FTO: variants seen among roughly 807,000 people sequenced by gnomAD.
The protein encoded by FTO is alpha-ketoglutarate-dependent dioxygenase FTO.
A neutral mutation model predicts 63.9 loss-of-function variants in FTO; 47 were observed. The observed-to-expected ratio is 0.74, with a 90% CI of 0.58 to 0.94. The LOEUF (loss-of-function observed/expected upper bound fraction) is 0.94. Among genes scored for constraint, FTO ranks in the 40% least tolerant of loss-of-function variants. The probability of loss-of-function intolerance (pLI) is 0.00; values close to 1 mark genes in which losing one functional copy is unlikely to be tolerated. For synonymous variants in FTO, 207 were observed against 224.4 expected (o/e 0.92, Z 0.69); for missense variants, 562 against 618.1 (o/e 0.91, Z 0.96).
At chr16:53,846,708 A>C (rs926088247) in intron 4 of FTO, among the ~76,000 whole-genome samples, 1 of 151,524 alleles carries the variant, frequency 6.6e-6, no homozygotes, top group Non-Finnish European at 1.5e-5. Context: ...AGGCTGAGGC[A>C]TGAGAATTGC....
intron 8 of FTO, among the ~76,000 whole-genome samples, chr16:53,941,683 C>T (rs1032821116): frequency 3.9e-5 from 6 of 152,118 alleles, no homozygotes; most frequent in African/African-American, 1.4e-4. Flanking sequence ...CCCATCTCTG[C>T]AAAAAGTGCA....
chr16:53,809,895 C>T (rs1346635488), intron 1 of FTO, among the ~76,000 whole-genome samples: 1 of 151,724 alleles, frequency 6.6e-6, no homozygotes, highest in Non-Finnish European at 1.5e-5. Context: ...GAGTTGTGAT[C>T]ACACCACTGT....
chr16:53,808,076 G>A (rs934828443), intron 1 of FTO, among the ~76,000 whole-genome samples: 3 of 151,928 alleles, frequency 2.0e-5, no homozygotes, highest in Non-Finnish European at 4.4e-5. Context: ...AGGCCAAGGC[G>A]GGCAGATCAT....
chr16:54,024,115 T>A (rs999839853), intron 8 of FTO, among the ~76,000 whole-genome samples: 2 of 152,202 alleles, frequency 1.3e-5, no homozygotes, highest in Non-Finnish European at 2.9e-5. Context: ...TTCAATTAGA[T>A]GGTTTCTCTT....
chr16:53,871,783 A>G (rs2080504744), intron 4 of FTO, among the ~76,000 whole-genome samples: 1 of 151,554 alleles, frequency 6.6e-6, no homozygotes, highest in South Asian at 2.1e-4. Context: ...CTGCAGTGCA[A>G]TGGCGCAATC....
At chr16:53,783,529 A>G (rs964182560) in intron 1 of FTO, among the ~76,000 whole-genome samples, 3 of 146,930 alleles carry the variant, frequency 2.0e-5, no homozygotes, top group African/African-American at 7.6e-5. Flanking sequence ...AATGGCGTGA[A>G]CCCGGGAGGC....
At chr16:54,024,986 T>C (rs1599228810) in intron 8 of FTO, among the ~76,000 whole-genome samples, 1 of 152,220 alleles carries the variant, frequency 6.6e-6, no homozygotes, top group East Asian at 1.9e-4. Context: ...AAGAAGAACT[T>C]CTCAGTAAGA....
intron 8 of FTO, among the ~76,000 whole-genome samples, chr16:54,101,521 A>G (rs2086643016): frequency 6.6e-6 from 1 of 151,974 alleles, no homozygotes; most frequent in South Asian, 2.1e-4. Flanking sequence ...TTATGGCTTT[A>G]TTGTATTCCA....
intron 7 of FTO, among the ~76,000 whole-genome samples, chr16:53,916,723 C>G (rs1045326129): frequency 2.6e-5 from 4 of 152,214 alleles, no homozygotes; most frequent in Non-Finnish European, 5.9e-5. Flanking sequence ...CTGGATAATA[C>G]TAGCACTCAG....
intron 1 of FTO, among the ~76,000 whole-genome samples, chr16:53,710,845 C>G (rs1269230431): frequency 2.0e-5 from 3 of 152,052 alleles, no homozygotes; most frequent in African/African-American, 7.2e-5. Context: ...GGGAAATGTG[C>G]TTTCCATTTT....
intron 1 of FTO, among the ~76,000 whole-genome samples, chr16:53,747,948 C>T (rs543351348): frequency 1.3e-5 from 2 of 152,264 alleles, no homozygotes; most frequent in African/African-American, 4.8e-5. Context: ...ATATACTTGG[C>T]ACGTTTGTCA....
rs78045317 is a variant in FTO at position 54,011,785 on chromosome 16, A to G, written c.1364+77676A>G. ...CTGTCATAGTGACCTGTGATCCGTG[A>G]TCTTTCATATTACTATTGTAATTGT... is the stretch of plus-strand genomic sequence containing the variant. On this transcript the variant is annotated intron_variant, in intron 8 of 8. Coordinates refer to ENST00000471389, the MANE Select transcript of FTO (RefSeq NM_001080432.3). Among the ~76,000 whole-genome samples the G allele has an allele frequency of 8.8e-3, 1,334 of 152,298 alleles. 7 individuals are homozygous for G. The highest frequency in any genetic ancestry group is 0.014 in the Non-Finnish European group (940 of 68,024).
intron 3 of FTO, among the ~76,000 whole-genome samples, chr16:53,829,419 G>C (rs960643078): frequency 6.6e-6 from 1 of 152,236 alleles, no homozygotes; most frequent in Non-Finnish European, 1.5e-5. Flanking sequence ...GGCATACAAA[G>C]CATGTGGCTC....
Position 53,704,201 on chromosome 16 carries a change from C to T in FTO, c.17C>T (p.Thr6Ile), listed in dbSNP as rs546144833. ...AGTGGCAGCATGAAGCGCACCCCGACTGCCGAGGAACGAGAGCGCGAAGCT... is the reference window on the plus strand; with the variant it reads ...AGTGGCAGCATGAAGCGCACCCCGATTGCCGAGGAACGAGAGCGCGAAGCT... The part of the protein sequence containing the change: MKRTP[T>I]AEEREREAKK... Residue 6 changes from threonine (T) to isoleucine (I), a missense_variant, in exon 1 of 9, where the codon ACT becomes ATT. Thr to Ile is a moderately conservative substitution (Grantham distance 89). Transcript: ENST00000471389. The T allele has an allele frequency of 2.6e-6, 4 of 1,551,512 alleles. No individual in the cohort carries two copies. The South Asian group carries it at 4.8e-5, about 18-fold the overall frequency.
chr16:53,845,419 G>A (rs1185732010), intron 4 of FTO, among the ~76,000 whole-genome samples: 1 of 152,144 alleles, frequency 6.6e-6, no homozygotes, highest in East Asian at 1.9e-4. Context: ...CTTGCCTTTT[G>A]GGAATTCGGA....
chr16:54,014,873 T>A (rs1289560513), intron 8 of FTO, among the ~76,000 whole-genome samples: 4 of 109,944 alleles, frequency 3.6e-5, no homozygotes, highest in East Asian at 2.5e-4. Context: ...TTTTTTTTTT[T>A]GAGATGGGGT....
At chr16:53,827,728 A>G (rs1333058277) in intron 3 of FTO, among the ~76,000 whole-genome samples, 2 of 152,246 alleles carry the variant, frequency 1.3e-5, no homozygotes, top group African/African-American at 4.8e-5. Flanking sequence ...GGCATCTCAA[A>G]TAATGATGCT....
intron 1 of FTO, among the ~76,000 whole-genome samples, chr16:53,746,167 A>T (rs1257182524): frequency 6.6e-6 from 1 of 152,180 alleles, no homozygotes. Flanking sequence ...AGGTAGGATC[A>T]TGTGATTAGT....
chr16:53,735,356 T>A (rs887799786), intron 1 of FTO, among the ~76,000 whole-genome samples: 7 of 152,174 alleles, frequency 4.6e-5, no homozygotes, highest in African/African-American at 1.7e-4. Flanking sequence ...GGGTTGATAG[T>A]CTAGTAGGAC....
Sources: gnomAD v4.1 joint callset for allele counts (sites outside exome capture counted in the v4.1 genomes callset) on GRCh38, gnomAD v4.1.1 for gene constraint, MANE v1.5 for transcripts, NCBI Gene and HGNC (gene_info 2026-07-23, HGNC 2026-07-21) for gene names.